The following DCLK1 variants were observed in gnomAD, a reference collection of about 807,000 sequenced individuals.
The protein encoded by DCLK1 is doublecortin like kinase 1, also known as serine/threonine-protein kinase DCLK1.
DCLK1 carries 16 observed loss-of-function variants against 86.2 expected under a neutral mutation model. The ratio of observed to expected loss-of-function variants is 0.19; its 90% CI spans 0.13 to 0.28. The LOEUF (loss-of-function observed/expected upper bound fraction) is 0.28. DCLK1 is among the 10% of genes least tolerant of loss of function. The probability of loss-of-function intolerance (pLI) is 1.00; values close to 1 mark genes in which losing one functional copy is unlikely to be tolerated. For synonymous variants in DCLK1, 369 were observed against 370.5 expected, an observed-to-expected ratio of 1.00 and a Z score of 0.05; for missense variants, 590 against 940.2, an observed-to-expected ratio of 0.63 and a Z score of 4.87.
At chr13:35,859,931 A>G (rs1200223119) in intron 5 of DCLK1, among the ~76,000 whole-genome samples, 1 of 152,216 alleles carries the variant, frequency 6.6e-6, no homozygotes, top group Non-Finnish European at 1.5e-5. Context: ...TCAGACACCA[A>G]GTGAAAGCTG....
intron 4 of DCLK1, among the ~76,000 whole-genome samples, chr13:35,898,790 G>A (rs1874166133): frequency 6.6e-6 from 1 of 151,916 alleles, no homozygotes; most frequent in South Asian, 2.1e-4. Flanking sequence ...CGCCCAGGAT[G>A]GAGTGCAGTG....
At chr13:36,005,976 G>T (rs1157959199) in intron 3 of DCLK1, among the ~76,000 whole-genome samples, 1 of 152,114 alleles carries the variant, frequency 6.6e-6, no homozygotes, top group African/African-American at 2.4e-5. Context: ...GAGAACACAT[G>T]GACACAGGGA....
At chr13:35,898,573 C>T (rs1593712451) in intron 4 of DCLK1, among the ~76,000 whole-genome samples, 1 of 152,260 alleles carries the variant, frequency 6.6e-6, no homozygotes, top group East Asian at 1.9e-4. Context: ...TTCAGTACCA[C>T]CTGGTTGATT....
At position 35,868,086 on chromosome 13, in the gene DCLK1, C is replaced by T. The variant is rs146605742; in HGVS notation, c.940+3138G>A. Among the ~76,000 whole-genome samples the T allele has an allele frequency of 2.1e-3, 309 of 147,792 alleles. 1 individual carries two copies. The highest frequency in any genetic ancestry group is 7.2e-3 in the African/African-American group (286 of 39,930). On this transcript the variant is annotated intron_variant, in intron 5 of 16. Transcript: ENST00000360631. ...TGCCCAGGCTGGAGTGCAGTGGCAC[C>T]ATCTCCGCTCACTGCAAGCTCCACC...
intron 4 of DCLK1, among the ~76,000 whole-genome samples, chr13:35,886,299 C>G (rs114565248): frequency 6.6e-6 from 1 of 152,132 alleles, no homozygotes; most frequent in African/African-American, 2.4e-5. Flanking sequence ...GAGTAAGACA[C>G]CATGCCCGGC....
intron 3 of DCLK1, among the ~76,000 whole-genome samples, chr13:36,040,038 C>T: frequency 6.6e-6 from 1 of 151,476 alleles, no homozygotes; most frequent in East Asian, 2.0e-4. Context: ...AAGTGACCTC[C>T]ACATTAAAGG....
chr13:36,092,070 G>A (rs565409615), intron 3 of DCLK1, among the ~76,000 whole-genome samples: 18 of 152,244 alleles, frequency 1.2e-4, no homozygotes, highest in Non-Finnish European at 2.2e-4. Flanking sequence ...TTAGCAGCAC[G>A]TGATACTGTT....
At chr13:36,115,095 G>A (rs1182981866) in intron 2 of DCLK1, among the ~76,000 whole-genome samples, 1 of 152,138 alleles carries the variant, frequency 6.6e-6, no homozygotes, top group Non-Finnish European at 1.5e-5. Flanking sequence ...GAGCCTGGGT[G>A]GATGAGGCTG....
At chr13:36,043,273 T>C (rs1882757427) in intron 3 of DCLK1, among the ~76,000 whole-genome samples, 1 of 151,916 alleles carries the variant, frequency 6.6e-6, no homozygotes, top group Non-Finnish European at 1.5e-5. Context: ...AAAGAGAGTA[T>C]TCTGAAAAAT....
At chr13:35,776,080 A>G (rs573511921) in intron 16 of DCLK1, among the ~76,000 whole-genome samples, 1 of 152,320 alleles carries the variant, frequency 6.6e-6, no homozygotes, top group Admixed American at 6.5e-5. Flanking sequence ...CTAGATTGTT[A>G]ATACAATGAT....
At chr13:36,091,447 C>T (rs1435871059) in intron 3 of DCLK1, among the ~76,000 whole-genome samples, 1 of 152,204 alleles carries the variant, frequency 6.6e-6, no homozygotes, top group Non-Finnish European at 1.5e-5. Context: ...GGGACCATAA[C>T]TCACCCATCT....
At chr13:36,103,244 T>C (rs565073746) in intron 3 of DCLK1, among the ~76,000 whole-genome samples, 1 of 151,626 alleles carries the variant, frequency 6.6e-6, no homozygotes, top group East Asian at 1.9e-4. Flanking sequence ...GTACTAAAAA[T>C]ACAAAAATTA....
chr13:35,790,549 T>C (rs1235164783), intron 16 of DCLK1, among the ~76,000 whole-genome samples: 1 of 152,202 alleles, frequency 6.6e-6, no homozygotes, highest in African/African-American at 2.4e-5. Context: ...TTAAAATACA[T>C]TATTTTATAG....
chr13:36,012,414 G>A (rs2153148328), intron 3 of DCLK1, among the ~76,000 whole-genome samples: 1 of 151,652 alleles, frequency 6.6e-6, no homozygotes, highest in South Asian at 2.1e-4. Context: ...CTCTTTTAGG[G>A]CAGGCCTGGT....
chr13:35,898,280 A>T (rs975570457), intron 4 of DCLK1, among the ~76,000 whole-genome samples: 2 of 152,194 alleles, frequency 1.3e-5, no homozygotes, highest in African/African-American at 4.8e-5. Context: ...ATTGCCAGCT[A>T]AACACTTAAG....
At chr13:35,844,979 G>A (rs1016381024) in intron 6 of DCLK1, among the ~76,000 whole-genome samples, 8 of 152,148 alleles carry the variant, frequency 5.3e-5, no homozygotes, top group Non-Finnish European at 8.8e-5. Context: ...TGGGTACAGT[G>A]GCTCACACCT....
intron 3 of DCLK1, among the ~76,000 whole-genome samples, chr13:36,104,244 T>C (rs1047906140): frequency 6.7e-4 from 102 of 152,186 alleles, no homozygotes; most frequent in African/African-American, 2.4e-3. Context: ...TGGAGCCATA[T>C]GCTAATGCCG....
At chr13:36,022,133 T>G (rs577588493) in intron 3 of DCLK1, among the ~76,000 whole-genome samples, 7 of 152,030 alleles carry the variant, frequency 4.6e-5, no homozygotes, top group Non-Finnish European at 1.0e-4. Context: ...TTTGAGAAAT[T>G]TATGAATATA....
At chr13:36,045,879 G>A (rs1232135212) in intron 3 of DCLK1, among the ~76,000 whole-genome samples, 1 of 151,838 alleles carries the variant, frequency 6.6e-6, no homozygotes, top group Non-Finnish European at 1.5e-5. Flanking sequence ...GTTCCTCAGA[G>A]CCAAGTTCAG....
Sources: allele counts gnomAD v4.1 joint callset (sites outside exome capture counted in the v4.1 genomes callset), GRCh38; gene constraint gnomAD v4.1.1; transcripts MANE v1.5; gene names NCBI Gene and HGNC (gene_info 2026-07-23, HGNC 2026-07-21).